Variants in ZNF536 observed in about 807,000 individuals in gnomAD.
ZNF536 encodes the protein zinc finger protein 536.
In ZNF536, 13 loss-of-function variants were observed where a neutral mutation model predicts 84.5. That is an observed-to-expected ratio of 0.15 (90% CI 0.10 to 0.24). ZNF536 has a LOEUF of 0.24. Ranked by LOEUF, ZNF536 falls within the 10% of genes least tolerant of loss-of-function variation. The pLI is 1.00. For missense variants in ZNF536, 1,536 were observed against 1,747.5 expected, an observed-to-expected ratio of 0.88 and a Z score of 2.16; for synonymous variants, 811 against 742.5, an observed-to-expected ratio of 1.09 and a Z score of -1.50.
At chr19:30,666,402 C>T (rs1366026219) in intron 1 of ZNF536, among the ~76,000 whole-genome samples, 1 of 152,302 alleles carries the variant, frequency 6.6e-6, no homozygotes, top group South Asian at 2.1e-4. Context: ...TGCCTCCTCC[C>T]TCCCTTCCAC....
chr19:30,507,744 A>G (rs1488949491), intron 2 of ZNF536, among the ~76,000 whole-genome samples: 2 of 152,230 alleles, frequency 1.3e-5, no homozygotes, highest in Non-Finnish European at 2.9e-5. Context: ...AGGAAGCTAA[A>G]ATTATACCAA....
intron 1 of ZNF536, among the ~76,000 whole-genome samples, chr19:30,596,248 C>G (rs78124726): frequency 0.098 from 14,904 of 151,544 alleles, 952 homozygotes; most frequent in East Asian, 0.23. Context: ...AAAAAAAATA[C>G]AGAGAGAGAG....
intron 1 of ZNF536, among the ~76,000 whole-genome samples, chr19:30,621,336 T>G (rs968361252): frequency 1.3e-5 from 2 of 152,170 alleles, no homozygotes; most frequent in Admixed American, 1.3e-4. Context: ...GTAACTGACC[T>G]TCCTTCTCAC....
rs58799737 is a variant in ZNF536 at position 30,248,224 on chromosome 19, C to CTTTTTTT, written c.-190+19560_-190+19566dup. ...TTCTTTCTTTCTTTTTCTTTTCTTT[C>CTTTTTTT]TTTTTTTTTTTTTTTGCGACAGAGT... On this transcript the variant is annotated intron_variant, in intron 1 of 5. Coordinates refer to the ZNF536 transcript ENST00000585628. 7.6e-5 allele frequency among the ~76,000 whole-genome samples: 10 copies of CTTTTTTT among 131,004 alleles called. 1 individual carries two copies. Among genetic ancestry groups the CTTTTTTT allele is most frequent in the Admixed American group, 3.2e-4 (4 of 12,324 alleles). 85.9% of individuals were successfully genotyped at this position (131,004 alleles called of 152,430 possible).
chr19:30,567,043 A>T (rs2046377615), intron 1 of ZNF536, among the ~76,000 whole-genome samples: 1 of 150,536 alleles, frequency 6.6e-6, no homozygotes, highest in African/African-American at 2.4e-5. Context: ...GGTTCCTGGG[A>T]GTGGCTTCTC....
chr19:30,357,269 G>T (rs1837700451), intron 3 of ZNF536, among the ~76,000 whole-genome samples: 2 of 152,234 alleles, frequency 1.3e-5, no homozygotes, highest in Non-Finnish European at 2.9e-5. Flanking sequence ...GGCCAGAGCA[G>T]GGTGAAGTTC....
At chr19:30,512,202 A>C (rs1017446183) in intron 2 of ZNF536, among the ~76,000 whole-genome samples, 1 of 152,236 alleles carries the variant, frequency 6.6e-6, no homozygotes, top group Non-Finnish European at 1.5e-5. Context: ...TGCAAAACAC[A>C]GAATTTAAAA....
At chr19:30,277,451 A>T (rs756095238) in intron 1 of ZNF536, among the ~76,000 whole-genome samples, 1 of 152,200 alleles carries the variant, frequency 6.6e-6, no homozygotes, top group Admixed American at 6.5e-5. Context: ...GAAAGCATTT[A>T]GATCGAACAG....
chr19:30,362,903 A>C (rs1407869757), intron 3 of ZNF536, among the ~76,000 whole-genome samples: 1 of 152,136 alleles, frequency 6.6e-6, no homozygotes, highest in Middle Eastern at 3.2e-3. Flanking sequence ...TACTAAAAAT[A>C]CAAAAATTAG....
At chr19:30,630,303 G>A (rs1165796860) in intron 1 of ZNF536, among the ~76,000 whole-genome samples, 1 of 152,120 alleles carries the variant, frequency 6.6e-6, no homozygotes, top group Non-Finnish European at 1.5e-5. Context: ...AGTAATTGCG[G>A]GTGATTGCAA....
At chr19:30,262,379 C>G (rs953083835) in intron 1 of ZNF536, among the ~76,000 whole-genome samples, 2 of 152,244 alleles carry the variant, frequency 1.3e-5, no homozygotes, top group African/African-American at 4.8e-5. Context: ...CCTTGTAACT[C>G]TGGGCTGATG....
At chr19:30,273,209 TTGTGTG>T (rs59032608) in intron 1 of ZNF536, among the ~76,000 whole-genome samples, 12 of 150,322 alleles carry the variant, frequency 8.0e-5, no homozygotes, top group Non-Finnish European at 1.0e-4. Context: ...GCCATGCAGA[TTGTGTG>T]TGTGTGTGTG....
At chr19:30,356,704 GA>G (rs1206109793) in intron 3 of ZNF536, among the ~76,000 whole-genome samples, 1 of 152,216 alleles carries the variant, frequency 6.6e-6, no homozygotes, top group Non-Finnish European at 1.5e-5. Context: ...CAAAATCAGA[GA>G]TAATTTTAAC....
At chr19:30,428,851 G>A (rs1346408057) in intron 1 of ZNF536, among the ~76,000 whole-genome samples, 4 of 152,204 alleles carry the variant, frequency 2.6e-5, no homozygotes, top group African/African-American at 9.6e-5. Flanking sequence ...CATCAGCAAA[G>A]TTCAACTGCA....
chr19:30,573,947 C>A (rs933598952), intron 1 of ZNF536, among the ~76,000 whole-genome samples: 1 of 152,202 alleles, frequency 6.6e-6, no homozygotes, highest in African/African-American at 2.4e-5. Flanking sequence ...ATTGCCAGGA[C>A]GGGCAGCTGT....
At chr19:30,467,084 C>T (rs1419432720) in intron 2 of ZNF536, among the ~76,000 whole-genome samples, 7 of 152,256 alleles carry the variant, frequency 4.6e-5, no homozygotes, top group African/African-American at 1.7e-4. Context: ...CGTGATCCTC[C>T]GCCTCTGCCT....
At chr19:30,332,800 C>A (rs938353487) in intron 2 of ZNF536, among the ~76,000 whole-genome samples, 1 of 152,194 alleles carries the variant, frequency 6.6e-6, no homozygotes, top group Non-Finnish European at 1.5e-5. Context: ...ATTTCTGCTG[C>A]CCTGGTGTGG....
chr19:30,623,043 TTTTTG>T (rs2048546877), intron 1 of ZNF536, among the ~76,000 whole-genome samples: 2 of 148,512 alleles, frequency 1.3e-5, no homozygotes, highest in African/African-American at 5.0e-5. Context: ...TTTTTTTGTT[TTTTTG>T]TTTTTTTGAG....
chr19:30,550,801 C>T (rs753051381), intron 4 of ZNF536, among the ~76,000 whole-genome samples: 15 of 152,070 alleles, frequency 9.9e-5, no homozygotes, highest in Non-Finnish European at 2.1e-4. Context: ...CTGAATCAAG[C>T]GGTCAGAAAT....
Sources: gnomAD v4.1 joint callset for allele counts (sites outside exome capture counted in the v4.1 genomes callset) on GRCh38, gnomAD v4.1.1 for gene constraint, MANE v1.5 for transcripts, NCBI Gene and HGNC (gene_info 2026-07-23, HGNC 2026-07-21) for gene names.